The following SMARCA1 variants were observed in gnomAD, a reference collection of about 807,000 sequenced individuals.
SMARCA1 encodes the protein SNF2 related chromatin remodeling ATPase 1, also known as SWI/SNF-related matrix-associated actin-dependent regulator of chromatin subfamily A member 1.
Under a neutral mutation model 93.6 loss-of-function variants are expected in SMARCA1, and 17 were observed. That is an observed-to-expected ratio of 0.18 (90% CI 0.12 to 0.27). The LOEUF is 0.27. Among genes scored for constraint, SMARCA1 ranks in the 10% least tolerant of loss-of-function variants. The pLI, the probability that SMARCA1 is intolerant of heterozygous loss-of-function variation, is 1.00. For synonymous variants in SMARCA1, 271 were observed against 271.4 expected (o/e 1.00, Z 0.01); for missense variants, 630 against 819.0 (o/e 0.77, Z 2.82).
chrX:129,455,691 T>C (rs1369488914), intron 23 of SMARCA1, among the ~76,000 whole-genome samples: 1 of 111,629 alleles, frequency 9.0e-6, no homozygotes, highest in African/African-American at 3.3e-5. Context: ...AAAGTTTTAG[T>C]GGTCTGGACA....
intron 23 of SMARCA1, among the ~76,000 whole-genome samples, chrX:129,458,554 C>T (rs917562976): frequency 9.8e-5 from 11 of 112,240 alleles, no homozygotes; most frequent in African/African-American, 3.6e-4. Context: ...TCATCCTGGG[C>T]ACTAAGTTCA....
chrX:129,474,485 C>T (rs1288641204), intron 19 of SMARCA1, among the ~76,000 whole-genome samples: 1 of 111,611 alleles, frequency 9.0e-6, no homozygotes, highest in Non-Finnish European at 1.9e-5. Flanking sequence ...CCCATGCAGA[C>T]ATCCCCATAC....
At chrX:129,461,771 T>C (rs900416561) in intron 23 of SMARCA1, among the ~76,000 whole-genome samples, 6 of 112,052 alleles carry the variant, frequency 5.4e-5, no homozygotes, top group African/African-American at 1.9e-4. Flanking sequence ...TGCTCTGAGC[T>C]TAAAAAGCTA....
In SMARCA1 at chrX:129,499,814, T is replaced by A. The variant is rs752892011; in HGVS notation, c.1195A>T (p.Ile399Leu). Residue 399 changes from isoleucine to leucine, a missense_variant, in exon 10 of 25, where the codon ATA becomes TTA. Transcript: ENST00000371121. The stretch of plus-strand genomic sequence containing the variant: ...AGACTCTTCTCTACATCAGTTTTTA[T>A]ACGGCGTAACAAAAATGGTTTTAAA... ...AVLKPFLLRRIKTDVEKSLPP... is the reference protein window; with the variant it reads ...AVLKPFLLRRLKTDVEKSLPP... The A allele has an allele frequency of 8.6e-7, 1 of 1,165,201 alleles. No individual in the cohort carries two copies. The highest frequency in any genetic ancestry group is 1.2e-6 in the Non-Finnish European group (1 of 857,456).
At chrX:129,448,751 A>G (rs1372881408) in intron 23 of SMARCA1, among the ~76,000 whole-genome samples, 7 of 108,060 alleles carry the variant, frequency 6.5e-5, no homozygotes, top group Non-Finnish European at 1.2e-4. Context: ...ATGCTAAGTA[A>G]AAAAAAAAAG....
intron 24 of SMARCA1, 143 bp from the exon 25 acceptor site, chrX:129,447,376 T>C (rs1450939132): frequency 2.3e-5 from 13 of 554,323 alleles, no homozygotes; most frequent in Non-Finnish European, 3.5e-5. Context: ...GTTAATGTTC[T>C]ATATAGCCCA....
rs1023060018 is a variant in SMARCA1, at chrX:129,490,075, T to C, written c.1933A>G (p.Ile645Val). 5.3e-5 allele frequency: 63 copies of C among 1,185,701 alleles called. No individual in the cohort carries two copies. Among genetic ancestry groups the C allele is most frequent in the Non-Finnish European group, 7.1e-5 (62 of 876,370 alleles). Reference protein sequence around the residue: ...RAEIKLRLDSIVIQQGRLIDQ... With the variant: ...RAEIKLRLDSVVIQQGRLIDQ... ...GTATAAATACCTTGTTGTATAACAA[T>C]TGAATCGAGTCTCAGTTTTATCTCA... The change falls in exon 15 of 25, where the codon ATT (isoleucine) becomes GTT (valine). Residue 645 changes from isoleucine to valine, a missense_variant. Ile to Val is a conservative substitution (Grantham distance 29, BLOSUM62 3). Coordinates refer to ENST00000371121, the MANE Select transcript of SMARCA1 (RefSeq NM_001282874.2).
At position 129,482,564 on chromosome X, in the gene SMARCA1, A is replaced by G. The variant is rs755029587; in HGVS notation, c.2218-1379T>C. ...GAAATTATTTTTTTCCACCTGCAAAATGAGAATAATAATACTTACCTTGAG... is the reference window on the plus strand; with the variant it reads ...GAAATTATTTTTTTCCACCTGCAAAGTGAGAATAATAATACTTACCTTGAG... On this transcript the variant is annotated intron_variant, in intron 17 of 24. Coordinates refer to ENST00000371121, the MANE Select transcript of SMARCA1 (RefSeq NM_001282874.2). 1.4e-4 allele frequency among the ~76,000 whole-genome samples: 16 copies of G among 111,607 alleles called. 1 individual carries two copies. In the South Asian group the frequency reaches 5.3e-3, roughly 37 times the overall value.
At chrX:129,501,678 A>T (rs1386271054) in intron 9 of SMARCA1, among the ~76,000 whole-genome samples, 1 of 101,761 alleles carries the variant, frequency 9.8e-6, no homozygotes, top group Non-Finnish European at 2.0e-5. Flanking sequence ...CAGTGGTGAG[A>T]TCTCGGCTCA....
In SMARCA1 at chrX:129,475,149, A is replaced by ATT. The variant is rs200947687; in HGVS notation, c.2443-3825_2443-3824dup. Among the ~76,000 whole-genome samples, 9 of 102,900 alleles carry ATT rather than the reference A, an allele frequency of 8.7e-5. No individual in the cohort carries two copies. The East Asian group carries it at 2.4e-3, about 28-fold the overall frequency. 89.4% of individuals were successfully genotyped at this position (102,900 alleles called of 115,157 possible). On this transcript the variant is annotated intron_variant, in intron 19 of 24. Transcript: ENST00000371121. ...TAGTCATCATTTTAATAAGACATACATTTTTTTTTTTTTACCTCATGAGGT... is the reference window on the plus strand; with the variant it reads ...TAGTCATCATTTTAATAAGACATACATTTTTTTTTTTTTTTACCTCATGAGGT...
chrX:129,470,206 T>A (rs1354574804), intron 20 of SMARCA1, among the ~76,000 whole-genome samples: 2 of 111,888 alleles, frequency 1.8e-5, no homozygotes, highest in Non-Finnish European at 3.8e-5. Flanking sequence ...TATACTAAAG[T>A]AATGTCCTAC....
rs1932045558 is a variant in SMARCA1 at position 129,447,051 on chromosome X, A to G, written c.*111T>C. 8 of 569,423 alleles carry G rather than the reference A, an allele frequency of 1.4e-5. No individual in the cohort carries two copies. In the South Asian group the frequency reaches 2.3e-4, roughly 17 times the overall value. The allele number at this position is 569,423 out of a possible 1,213,427, so 46.9% of individuals were successfully genotyped here. The stretch of plus-strand genomic sequence containing the variant: ...TATATAAAATATGCAAGAAATCAAA[A>G]CCAAAGAGATTTTTCTTAGAGTACC... On this transcript the variant is annotated 3_prime_UTR_variant, in exon 25 of 25. Coordinates refer to ENST00000371121, the MANE Select transcript of SMARCA1 (RefSeq NM_001282874.2).
At chrX:129,493,578 C>T (rs767433505) in intron 12 of SMARCA1, among the ~76,000 whole-genome samples, 1 of 111,286 alleles carries the variant, frequency 9.0e-6, no homozygotes, top group East Asian at 2.8e-4. Context: ...GTGAGAGGCA[C>T]CTTGGCGTAG....
At chrX:129,458,907 G>C (rs1189317091) in intron 23 of SMARCA1, among the ~76,000 whole-genome samples, 1 of 111,555 alleles carries the variant, frequency 9.0e-6, no homozygotes, top group Admixed American at 9.5e-5. Flanking sequence ...TTTTTTAATC[G>C]ATGTCTTCAC....
chrX:129,522,654 A>G (rs1475805113), intron 1 of SMARCA1, among the ~76,000 whole-genome samples: 1 of 111,313 alleles, frequency 9.0e-6, no homozygotes, highest in Non-Finnish European at 1.9e-5. Flanking sequence ...TTGCCAATGA[A>G]AGAAAGAAAT....
Position 129,468,694 on chromosome X carries a change from A to G in SMARCA1, c.2698+79T>C, listed in dbSNP as rs1932992170. ...TTCATAAAAGTTTAAAACATCTCTGAACAAAGGTACAATTAAATTGATGCT... is the reference window on the plus strand; with the variant it reads ...TTCATAAAAGTTTAAAACATCTCTGGACAAAGGTACAATTAAATTGATGCT... On this transcript the variant is annotated intron_variant, in intron 21 of 24. Transcript: ENST00000371121. 7.0e-6 allele frequency: 5 copies of G among 715,041 alleles called. No individual in the cohort carries two copies. The Admixed American group carries it at 9.5e-5, about 14-fold the overall frequency. The allele number at this position is 715,041 out of a possible 1,213,427, so 58.9% of individuals were successfully genotyped here. A position where few individuals can be genotyped will look rare whatever the true frequency, so the allele number is the denominator to read the frequency against.
Position 129,468,785 on chromosome X carries a change from T to C in SMARCA1, c.2686A>G (p.Met896Val). ...EVEGKSPEEV[M>V]EYSAVFWERC... ...ATTATATACAAACCTGAATACTCCA[T>C]GACCTCCTCAGGGGATTTGCCCTCT... Residue 896 changes from methionine (M) to valine (V), a missense_variant, in exon 21 of 25, where the codon ATG becomes GTG. Transcript: ENST00000371121. 1 of 1,186,853 alleles carries C rather than the reference T, an allele frequency of 8.4e-7. No individual in the cohort carries two copies. The highest frequency in any genetic ancestry group is 1.1e-6 in the Non-Finnish European group (1 of 877,156).
intron 6 of SMARCA1, among the ~76,000 whole-genome samples, chrX:129,511,350 T>C (rs1048806354): frequency 8.9e-6 from 1 of 112,082 alleles, no homozygotes; most frequent in Non-Finnish European, 1.9e-5. Flanking sequence ...GTTCCAGTTG[T>C]GTACATGCAT....
chrX:129,477,771 A>G (rs749614265), intron 19 of SMARCA1, among the ~76,000 whole-genome samples: 1 of 111,157 alleles, frequency 9.0e-6, no homozygotes, highest in South Asian at 3.9e-4. Context: ...ATCTGCTATT[A>G]GTATTACTTT....
Sources: gnomAD v4.1 joint callset for allele counts (sites outside exome capture counted in the v4.1 genomes callset) on GRCh38, gnomAD v4.1.1 for gene constraint, MANE v1.5 for transcripts, NCBI Gene and HGNC (gene_info 2026-07-23, HGNC 2026-07-21) for gene names.